Variants in SLC17A4 observed in about 807,000 individuals in gnomAD.
SLC17A4 encodes the protein solute carrier family 17 member 4.
In SLC17A4, 33 loss-of-function variants were observed where a neutral mutation model predicts 52.5. That is an observed-to-expected ratio of 0.63 (90% CI 0.48 to 0.84). The LOEUF is 0.84. Among genes scored for constraint, SLC17A4 ranks in the 40% least tolerant of loss-of-function variants. SLC17A4 has a pLI of 0.00. For missense variants in SLC17A4, 585 were observed against 597.1 expected (o/e 0.98, Z 0.21); for synonymous variants, 225 against 216.2 (o/e 1.04, Z -0.36).
intron 6 of SLC17A4, 97 bp from the exon 7 acceptor site, chr6:25,773,178 G>A: frequency 1.1e-6 from 1 of 918,606 alleles, no homozygotes; most frequent in East Asian, 2.4e-5. Context: ...GTGGTGTACT[G>A]AGGCCAGTCA....
At chr6:25,766,229 C>G (rs1245206663) in intron 2 of SLC17A4, among the ~76,000 whole-genome samples, 6 of 150,848 alleles carry the variant, frequency 4.0e-5, no homozygotes, top group Non-Finnish European at 7.4e-5. Flanking sequence ...TTATACATGT[C>G]AAAAAACAAC....
intron 8 of SLC17A4, 141 bp downstream of exon 8, chr6:25,773,815 T>C (rs544965601): frequency 1.3e-6 from 1 of 761,824 alleles, no homozygotes; most frequent in South Asian, 2.1e-5. Flanking sequence ...AAATGCAATC[T>C]AGTTAATTTG....
chr6:25,776,868 A>C lies in SLC17A4; in HGVS notation c.1177A>C (p.Ser393Arg). ...CCTGCCCTGGGTCAGATCCAGCCAC[A>C]GCATGACCATGACCTTCTTGGTGCT... ...VSLPWVRSSH[S>R]MTMTFLVLSS... The change falls in exon 10 of 12, where the codon AGC becomes CGC. Residue 393 changes from serine to arginine, a missense_variant. By Grantham distance (110) the Ser-to-Arg change is moderately radical. Transcript: ENST00000377905. 2 of 1,613,960 alleles carry C rather than the reference A, an allele frequency of 1.2e-6. No individual in the cohort carries two copies. The highest frequency in any genetic ancestry group is 1.3e-5 in the African/African-American group (1 of 75,012).
intron 1 of SLC17A4, among the ~76,000 whole-genome samples, chr6:25,760,616 AC>A (rs1370659241): frequency 1.3e-5 from 2 of 151,958 alleles, no homozygotes; most frequent in African/African-American, 4.8e-5. Flanking sequence ...CATACATTGG[AC>A]CTTTTCACTC....
chr6:25,766,720 T>C (rs1762051716), intron 2 of SLC17A4, among the ~76,000 whole-genome samples: 1 of 152,154 alleles, frequency 6.6e-6, no homozygotes, highest in African/African-American at 2.4e-5. Context: ...ATCAGACAAA[T>C]TTCAATTAAG....
intron 2 of SLC17A4, among the ~76,000 whole-genome samples, chr6:25,766,558 A>T (rs1561801826): frequency 6.6e-6 from 1 of 152,322 alleles, no homozygotes; most frequent in East Asian, 1.9e-4. Flanking sequence ...GCAACCTGAC[A>T]AACACTACCT....
At chr6:25,773,750 C>A in intron 8 of SLC17A4, 76 bp downstream of exon 8, 2 of 1,500,826 alleles carry the variant, frequency 1.3e-6, no homozygotes, top group Non-Finnish European at 1.8e-6. Flanking sequence ...AATCCTCTGT[C>A]TGTCCCATAG....
intron 2 of SLC17A4, among the ~76,000 whole-genome samples, chr6:25,767,433 G>A (rs3778272): frequency 0.3 from 45,356 of 151,908 alleles, 7,754 homozygotes; most frequent in East Asian, 0.74. Context: ...GGTAGACTCT[G>A]TTATTAATCT....
At chr6:25,758,699 C>T (rs567271930) in intron 1 of SLC17A4, among the ~76,000 whole-genome samples, 44 of 152,056 alleles carry the variant, frequency 2.9e-4, no homozygotes, top group African/African-American at 9.4e-4. Flanking sequence ...TGGTTAGTGT[C>T]GCTGATGGTC....
intron 10 of SLC17A4, 55 bp from the exon 11 acceptor site, chr6:25,777,871 G>T: frequency 6.9e-7 from 1 of 1,459,182 alleles, no homozygotes. Flanking sequence ...CGGGTATTGA[G>T]ACTTTCAAAC....
In SLC17A4 at chr6:25,773,650, G is replaced by A. The variant is rs2151451217; in HGVS notation, c.963G>A (p.Ser321=). The change falls in exon 8 of 12, where the codon TCG becomes TCA. Residue 321 remains serine (S), a synonymous_variant. Coordinates refer to ENST00000377905, the MANE Select transcript of SLC17A4 (RefSeq NM_005495.3). ...CGTACACACCAACGTACATCAGCTC[G>A]GTACTTCAAGCCAACCTCAGAGATG... The part of the protein sequence containing the change: ...IMAYTPTYIS[S]VLQANLRDSG... The A allele has an allele frequency of 7.4e-6, 12 of 1,613,476 alleles. No homozygotes were observed. Among genetic ancestry groups the A allele is most frequent in the Non-Finnish European group, 9.3e-6 (11 of 1,179,694 alleles).
chr6:25,777,078 C>G (rs1762986698), intron 10 of SLC17A4, 119 bp downstream of exon 10: 7 of 1,069,656 alleles, frequency 6.5e-6, no homozygotes, highest in Non-Finnish European at 8.1e-6. Context: ...AATGTCAGCA[C>G]CAGCTCTACA....
chr6:25,755,036 G>GACACACAC (rs1162916466), intron 1 of SLC17A4, among the ~76,000 whole-genome samples: 2 of 106,740 alleles, frequency 1.9e-5, no homozygotes, highest in African/African-American at 7.5e-5. Context: ...CAGACAGACA[G>GACACACAC]ACACACACAC....
chr6:25,763,752 T>G (rs1164440557), intron 2 of SLC17A4, among the ~76,000 whole-genome samples: 1 of 152,202 alleles, frequency 6.6e-6, no homozygotes, highest in Non-Finnish European at 1.5e-5. Flanking sequence ...AGGTTCTGCC[T>G]GAAGATCAGT....
Position 25,776,879 on chromosome 6 carries a change from G to A in SLC17A4, c.1188G>A (p.Met396Ile). ...PWVRSSHSMTMTFLVLSSAIS... is the reference protein window; with the variant it reads ...PWVRSSHSMTITFLVLSSAIS... Reference sequence around the variant, plus strand: ...TCAGATCCAGCCACAGCATGACCATGACCTTCTTGGTGCTGTCTTCTGCCA... The same window carrying A: ...TCAGATCCAGCCACAGCATGACCATAACCTTCTTGGTGCTGTCTTCTGCCA... Residue 396 changes from methionine to isoleucine, a missense_variant, in exon 10 of 12, where the codon ATG becomes ATA. Transcript: ENST00000377905. 6.2e-7 allele frequency: 1 copy of A among 1,613,954 alleles called. No individual in the cohort carries two copies. Among genetic ancestry groups the A allele is most frequent in the Non-Finnish European group, 8.5e-7 (1 of 1,179,920 alleles).
chr6:25,776,759 T>C (rs1287923746), intron 9 of SLC17A4, 32 bp downstream of exon 9: 12 of 1,613,958 alleles, frequency 7.4e-6, no homozygotes, highest in Non-Finnish European at 8.5e-6. Flanking sequence ...GGGGTGAACG[T>C]GGGAAGCTCA....
upstream of SLC17A4, chr6:25,754,722 G>A (rs1201092368): frequency 6.6e-6 from 1 of 152,168 alleles, no homozygotes; most frequent in Non-Finnish European, 1.5e-5. Context: ...TTAGACAATT[G>A]CAAAGAGCTT....
chr6:25,774,598 G>T (rs1302845374), intron 8 of SLC17A4, among the ~76,000 whole-genome samples: 1 of 152,162 alleles, frequency 6.6e-6, no homozygotes, highest in Non-Finnish European at 1.5e-5. Context: ...CTTAATCCAG[G>T]GGATTGGGAC....
chr6:25,773,191 C>A (rs1008203706), intron 6 of SLC17A4, 84 bp from the exon 7 acceptor site: 2 of 1,065,210 alleles, frequency 1.9e-6, no homozygotes, highest in Non-Finnish European at 1.5e-6. Context: ...GCCAGTCACT[C>A]TGTCAACCAC....
Sources: gnomAD v4.1 joint callset for allele counts (sites outside exome capture counted in the v4.1 genomes callset) on GRCh38, gnomAD v4.1.1 for gene constraint, MANE v1.5 for transcripts, NCBI Gene and HGNC (gene_info 2026-07-23, HGNC 2026-07-21) for gene names.